The following HAVCR2 variants were observed in gnomAD, a reference collection of about 807,000 sequenced individuals.
The protein encoded by HAVCR2 is hepatitis A virus cellular receptor 2.
HAVCR2 carries 13 observed loss-of-function variants against 24.7 expected under a neutral mutation model. The observed-to-expected ratio is 0.53, with a 90% CI of 0.34 to 0.84. HAVCR2 has a LOEUF of 0.84. Among genes scored for constraint, HAVCR2 ranks in the 40% least tolerant of loss-of-function variants. The pLI, the probability that HAVCR2 is intolerant of heterozygous loss-of-function variation, is 0.01. For missense variants in HAVCR2, 343 were observed against 371.2 expected, an observed-to-expected ratio of 0.92 and a Z score of 0.62; for synonymous variants, 154 against 143.4, an observed-to-expected ratio of 1.07 and a Z score of -0.53.
At chr5:157,091,469 G>A (rs1036401722) in intron 5 of HAVCR2, among the ~76,000 whole-genome samples, 2 of 151,970 alleles carry the variant, frequency 1.3e-5, no homozygotes, top group South Asian at 2.1e-4. Context: ...AAAGATAAAG[G>A]TATCTGTTAA....
intron 5 of HAVCR2, among the ~76,000 whole-genome samples, chr5:157,091,890 A>AT (rs1757008854): frequency 2.6e-5 from 4 of 152,116 alleles, no homozygotes; most frequent in Admixed American, 2.6e-4. Flanking sequence ...GTGGGGCATT[A>AT]TTGAGTGTCA....
chr5:157,088,302 C>T (rs972317397), intron 6 of HAVCR2, among the ~76,000 whole-genome samples: 1 of 152,144 alleles, frequency 6.6e-6, no homozygotes, highest in Non-Finnish European at 1.5e-5. Flanking sequence ...GTAAGCCATA[C>T]CTATTTGAAA....
rs879478063 is a variant in HAVCR2, at chr5:157,098,841, C to T, written c.522+17G>A. On this transcript the variant is annotated intron_variant, in intron 4 of 6. Transcript: ENST00000307851. Reference sequence around the variant, plus strand: ...TCCAAGTTGAGTACAACATAGCTCACAAAAAAAGTTACTTACTGTTAGATT... The same window carrying T: ...TCCAAGTTGAGTACAACATAGCTCATAAAAAAAGTTACTTACTGTTAGATT... 42 of 1,610,294 alleles carry T rather than the reference C, an allele frequency of 2.6e-5. No homozygotes were observed. The East Asian group carries it at 8.0e-4, about 31-fold the overall frequency.
In HAVCR2 at chr5:157,109,031, T is replaced by C. The variant is rs754829590; in HGVS notation, c.-48A>G. On this transcript the variant is annotated 5_prime_UTR_variant, in exon 1 of 7. Transcript: ENST00000307851. ...GAGGACACCTCTGTTAGGCACAGTT[T>C]TAACTCTCCAAATGGACTGGGTACT... 1 of 1,557,770 alleles carries C rather than the reference T, an allele frequency of 6.4e-7. No individual in the cohort carries two copies. Among genetic ancestry groups the C allele is most frequent in the Non-Finnish European group, 8.9e-7 (1 of 1,129,618 alleles).
chr5:157,092,448 AT>A (rs1270626605), intron 5 of HAVCR2, among the ~76,000 whole-genome samples: 1 of 151,426 alleles, frequency 6.6e-6, no homozygotes, highest in Non-Finnish European at 1.5e-5. Context: ...ATTTTATTTT[AT>A]TTTATTTATT....
In HAVCR2 at chr5:157,106,876, C is replaced by T. The variant is rs768093433; in HGVS notation, c.145G>A (p.Val49Met). The T allele has an allele frequency of 9.9e-6, 16 of 1,614,072 alleles. No homozygotes were observed. Among genetic ancestry groups the T allele is most frequent in the Middle Eastern group, 1.6e-4 (1 of 6,084 alleles). Residue 49 changes from valine to methionine, a missense_variant, in exon 2 of 7, where the codon GTG becomes ATG. Physicochemically the swap from Val to Met is conservative, Grantham distance 21. Coordinates refer to ENST00000307851, the MANE Select transcript of HAVCR2 (RefSeq NM_032782.5). ...GCTCCTTTGCCCCAGCAGACGGGCA[C>T]GAGGTTCCCTGGGGCGGCTGGGGTG... ...FYTPAAPGNL[V>M]PVCWGKGACP... is the part of the protein sequence containing the mutation.
chr5:157,105,460 T>C (rs1757234268), intron 2 of HAVCR2, among the ~76,000 whole-genome samples: 1 of 152,226 alleles, frequency 6.6e-6, no homozygotes, highest in Non-Finnish European at 1.5e-5. Context: ...AGTTTTGGAT[T>C]TTAGAGCATT....
chr5:157,090,122 C>CTTTTTTTTTTTTTTTTTTTT (rs869177923), intron 5 of HAVCR2, among the ~76,000 whole-genome samples: 5 of 65,576 alleles, frequency 7.6e-5, no homozygotes, highest in African/African-American at 1.3e-4. Context: ...CTTTTCTTTT[C>CTTTTTTTTTTTTTTTTTTTT]TTTTTTTTTT....
At chr5:157,105,065 ATTTT>A (rs3048394) in intron 2 of HAVCR2, 23 of 154,098 alleles carry the variant, frequency 1.5e-4, no homozygotes, top group South Asian at 5.5e-4. Flanking sequence ...TAGATTTTGA[ATTTT>A]TTTTTTTTTT....
rs1450374496 is a variant in HAVCR2, at chr5:157,106,884, C to T, written c.137G>A (p.Gly46Glu). The T allele has an allele frequency of 5.0e-6, 8 of 1,614,164 alleles. 1 individual carries two copies. In the South Asian group the frequency reaches 5.5e-5, roughly 11 times the overall value. ...LPCFYTPAAP[G>E]NLVPVCWGKG... ...GCCCCAGCAGACGGGCACGAGGTTCCCTGGGGCGGCTGGGGTGTAGAAGCA... is the reference window on the plus strand; with the variant it reads ...GCCCCAGCAGACGGGCACGAGGTTCTCTGGGGCGGCTGGGGTGTAGAAGCA... The change falls in exon 2 of 7, where the codon GGG (glycine) becomes GAG (glutamate). Residue 46 changes from glycine (G) to glutamate (E), a missense_variant. Transcript: ENST00000307851.
chr5:157,087,876 C>T (rs1756937689), intron 6 of HAVCR2, among the ~76,000 whole-genome samples: 1 of 146,530 alleles, frequency 6.8e-6, no homozygotes, highest in African/African-American at 2.6e-5. Flanking sequence ...GCACTCCAGC[C>T]TGGGTGACAG....
At chr5:157,098,442 T>A (rs2113690474) in intron 4 of HAVCR2, among the ~76,000 whole-genome samples, 1 of 151,968 alleles carries the variant, frequency 6.6e-6, no homozygotes, top group Middle Eastern at 3.4e-3. Flanking sequence ...ACTTTGAATA[T>A]TCCTGACTGG....
rs191739689 is a variant in HAVCR2, at chr5:157,098,051, C to G, written c.522+807G>C. Among the ~76,000 whole-genome samples the G allele has an allele frequency of 2.0e-4, 30 of 152,118 alleles. No homozygotes were observed. In the East Asian group the frequency reaches 5.3e-3, roughly 27 times the overall value. ...CTTTGGGAGGCCAAGTTGGGCGGAT[C>G]ACCTGAGGTCAGGAGTTCAAGACCA... On this transcript the variant is annotated intron_variant, in intron 4 of 6. Transcript: ENST00000307851.
At position 157,087,018 on chromosome 5, in the gene HAVCR2, A is replaced by G. The variant is rs1756922549; in HGVS notation, c.*84T>C. Reference sequence around the variant, plus strand: ...AAAACTCTGCTCCATAGCAGTGGACAGAACCTCCAAAACCAGTCAGGTGAC... The same window carrying G: ...AAAACTCTGCTCCATAGCAGTGGACGGAACCTCCAAAACCAGTCAGGTGAC... On this transcript the variant is annotated 3_prime_UTR_variant, in exon 7 of 7. Transcript: ENST00000307851. 8.1e-7 allele frequency: 1 copy of G among 1,237,920 alleles called. No homozygotes were observed. The highest frequency in any genetic ancestry group is 2.1e-5 in the Admixed American group (1 of 47,130). 76.7% of individuals were successfully genotyped at this position (1,237,920 alleles called of 1,614,324 possible).
intron 1 of HAVCR2, 60 bp from the exon 2 acceptor site, chr5:157,107,022 G>A (rs1367195571): frequency 1.2e-5 from 16 of 1,366,138 alleles, no homozygotes; most frequent in Non-Finnish European, 1.6e-5. Context: ...CTCCATTTCA[G>A]GAAAACTGCA....
intron 5 of HAVCR2, among the ~76,000 whole-genome samples, chr5:157,091,623 C>A (rs977710625): frequency 6.6e-6 from 1 of 151,762 alleles, no homozygotes; most frequent in Non-Finnish European, 1.5e-5. Context: ...GCTGTGAGAA[C>A]GAGTTGAGAA....
chr5:157,089,628 T>C (rs1756966004), intron 5 of HAVCR2, among the ~76,000 whole-genome samples: 2 of 151,872 alleles, frequency 1.3e-5, no homozygotes, highest in Non-Finnish European at 2.9e-5. Flanking sequence ...ACCAACATCA[T>C]AGTGAAACAG....
intron 3 of HAVCR2, among the ~76,000 whole-genome samples, chr5:157,100,721 T>G (rs1277693577): frequency 1.3e-5 from 2 of 152,208 alleles, no homozygotes; most frequent in African/African-American, 4.8e-5. Context: ...TATAAAGGCA[T>G]AGCCTCAGCC....
chr5:157,090,122 C>CTTTTTTTTT lies in HAVCR2; in HGVS notation c.677-1154_677-1146dup, dbSNP rs869177923. 7.2e-4 allele frequency among the ~76,000 whole-genome samples: 47 copies of CTTTTTTTTT among 65,582 alleles called. 1 individual carries two copies. The highest frequency in any genetic ancestry group is 1.3e-3 in the Admixed American group (6 of 4,494). 43.0% of individuals were successfully genotyped at this position (65,582 alleles called of 152,430 possible). ...TTAAAATTTTCCTTTCTTTTCTTTT[C>CTTTTTTTTT]TTTTTTTTTTTTTTTTTTTTTTTTT... On this transcript the variant is annotated intron_variant, in intron 5 of 6. Transcript: ENST00000307851.
Sources: gnomAD v4.1 joint callset for allele counts (sites outside exome capture counted in the v4.1 genomes callset) on GRCh38, gnomAD v4.1.1 for gene constraint, MANE v1.5 for transcripts, NCBI Gene and HGNC (gene_info 2026-07-23, HGNC 2026-07-21) for gene names.